BCKDHB: variants seen among roughly 807,000 people sequenced by gnomAD.
The protein encoded by BCKDHB is branched chain keto acid dehydrogenase E1 subunit beta.
A neutral mutation model predicts 48.5 loss-of-function variants in BCKDHB; 41 were observed. That is an observed-to-expected ratio of 0.85 (90% CI 0.66 to 1.10). BCKDHB has a LOEUF of 1.10. BCKDHB is among the 50% of genes least tolerant of loss of function. BCKDHB has a pLI of 0.00. For synonymous variants in BCKDHB, 201 were observed against 174.8 expected (o/e 1.15, Z -1.18); for missense variants, 496 against 494.2 (o/e 1.00, Z -0.03).
At chr6:80,283,096 G>C (rs1766436003) in intron 9 of BCKDHB, among the ~76,000 whole-genome samples, 1 of 152,048 alleles carries the variant, frequency 6.6e-6, no homozygotes, top group Non-Finnish European at 1.5e-5. Flanking sequence ...CTGCAGGTTA[G>C]TGTCTGTCTT....
At chr6:80,118,514 C>A (rs373484633) in intron 1 of BCKDHB, among the ~76,000 whole-genome samples, 2 of 151,098 alleles carry the variant, frequency 1.3e-5, no homozygotes, top group African/African-American at 4.9e-5. Context: ...GTGGCTGTGG[C>A]AACTTCATTA....
intron 8 of BCKDHB, among the ~76,000 whole-genome samples, chr6:80,246,707 C>T (rs1776632448): frequency 6.6e-6 from 1 of 152,204 alleles, no homozygotes; most frequent in East Asian, 1.9e-4. Context: ...ATGGCTCTCC[C>T]AGAGGGCTTC....
rs149766077 is a variant in BCKDHB at position 80,168,944 on chromosome 6, C to G, written c.547C>G (p.Arg183Gly). The change falls in exon 5 of 10, where the codon CGG becomes GGG. Residue 183 changes from arginine (R) to glycine (G), a missense_variant. Coordinates refer to ENST00000320393, the MANE Select transcript of BCKDHB (RefSeq NM_183050.4). The stretch of plus-strand genomic sequence containing the variant: ...TTTTAACTGTGGAAGCCTCACTATC[C>G]GGTCCCCTTGGGGCTGTGTTGGTCA... Reference protein sequence around the residue: ...DLFNCGSLTIRSPWGCVGHGA... With the variant: ...DLFNCGSLTIGSPWGCVGHGA... The G allele has an allele frequency of 2.5e-6, 4 of 1,614,006 alleles. No individual in the cohort carries two copies. Among genetic ancestry groups the G allele is most frequent in the African/African-American group, 1.3e-5 (1 of 74,930 alleles).
At chr6:80,351,824 C>CTT in the BCKDHB span, among the ~76,000 whole-genome samples, 58 of 135,102 alleles carry the variant, frequency 4.3e-4, no homozygotes, top group Non-Finnish European at 5.2e-4. Context: ...TTCTTTCTTT[C>CTT]TTTTTTTTTT....
At chr6:80,374,165 C>A in the BCKDHB span, 1 of 717,780 alleles carries the variant, frequency 1.4e-6, no homozygotes. Context: ...ATGGGTTAAT[C>A]CGACTATGAG....
At chr6:80,397,879 AAAAC>A in the BCKDHB span, among the ~76,000 whole-genome samples, 1 of 152,206 alleles carries the variant, frequency 6.6e-6, no homozygotes, top group African/African-American at 2.4e-5. Flanking sequence ...CTCTGTCTCA[AAAAC>A]AAACCAACAA....
the BCKDHB span, among the ~76,000 whole-genome samples, chr6:80,359,741 C>T: frequency 3.3e-5 from 5 of 152,052 alleles, no homozygotes; most frequent in East Asian, 3.9e-4. Flanking sequence ...ATTACAGGTG[C>T]GTGCCACCAC....
intron 8 of BCKDHB, among the ~76,000 whole-genome samples, chr6:80,259,993 C>T (rs1173432465): frequency 2.0e-5 from 3 of 152,028 alleles, no homozygotes; most frequent in Non-Finnish European, 2.9e-5. Context: ...ATTTTCCAGC[C>T]CCTATTTTGT....
chr6:80,172,384 G>A (rs1290425092), intron 6 of BCKDHB, among the ~76,000 whole-genome samples: 1 of 151,830 alleles, frequency 6.6e-6, no homozygotes, highest in African/African-American at 2.4e-5. Context: ...TACAATATTA[G>A]AACATTACTA....
the BCKDHB span, among the ~76,000 whole-genome samples, chr6:80,400,923 A>G: frequency 5.0e-3 from 767 of 152,130 alleles, 5 homozygotes; most frequent in African/African-American, 0.017. Flanking sequence ...AGCAACATGG[A>G]TGGAGCTGGA....
the BCKDHB span, among the ~76,000 whole-genome samples, chr6:80,372,612 A>G: frequency 2.0e-5 from 3 of 152,046 alleles, no homozygotes; most frequent in East Asian, 3.9e-4. Flanking sequence ...TATTTCCTCA[A>G]TGTGTGTCCC....
the BCKDHB span, among the ~76,000 whole-genome samples, chr6:80,424,780 T>A: frequency 7.9e-5 from 12 of 152,296 alleles, 1 homozygote; most frequent in South Asian, 2.5e-3. Context: ...TTAGAATTTT[T>A]TAGCAAAGGG....
At chr6:80,232,834 A>G (rs1193707550) in intron 8 of BCKDHB, among the ~76,000 whole-genome samples, 1 of 151,342 alleles carries the variant, frequency 6.6e-6, no homozygotes, top group African/African-American at 2.4e-5. Context: ...CTCTTTCTTT[A>G]TGGCAAGCAT....
chr6:80,212,215 C>T (rs898484826), intron 8 of BCKDHB, among the ~76,000 whole-genome samples: 1 of 152,056 alleles, frequency 6.6e-6, no homozygotes, highest in Non-Finnish European at 1.5e-5. Context: ...CGGAGTTTTT[C>T]CCCACCCTGA....
chr6:80,367,161 A>G, the BCKDHB span, among the ~76,000 whole-genome samples: 1 of 152,186 alleles, frequency 6.6e-6, no homozygotes, highest in Non-Finnish European at 1.5e-5. Flanking sequence ...AAAAGCAAGA[A>G]AAATTACTGT....
the BCKDHB span, among the ~76,000 whole-genome samples, chr6:80,385,062 A>G: frequency 0.91 from 139,083 of 152,182 alleles, 64,861 homozygotes; most frequent in East Asian, 1. Context: ...GAGGGGCAAG[A>G]AGTTTAGTGA....
chr6:80,363,323 A>C, the BCKDHB span, among the ~76,000 whole-genome samples: 1 of 152,246 alleles, frequency 6.6e-6, no homozygotes, highest in Non-Finnish European at 1.5e-5. Context: ...GCATATTGGC[A>C]CTGGCATTTC....
chr6:80,309,688 T>C (rs1307649776), intron 9 of BCKDHB, among the ~76,000 whole-genome samples: 1 of 152,210 alleles, frequency 6.6e-6, no homozygotes, highest in Non-Finnish European at 1.5e-5. Flanking sequence ...CTAAAATGGC[T>C]TTATTCTTTA....
At chr6:80,332,276 A>C (rs1386243270) in intron 9 of BCKDHB, among the ~76,000 whole-genome samples, 1 of 152,212 alleles carries the variant, frequency 6.6e-6, no homozygotes, top group African/African-American at 2.4e-5. Context: ...AGTCTGAGAC[A>C]GTGAGATCCT....
Sources: gnomAD v4.1 joint callset for allele counts (sites outside exome capture counted in the v4.1 genomes callset) on GRCh38, gnomAD v4.1.1 for gene constraint, MANE v1.5 for transcripts, NCBI Gene and HGNC (gene_info 2026-07-23, HGNC 2026-07-21) for gene names.